NEDD4: variants seen among roughly 807,000 people sequenced by gnomAD.
The protein encoded by NEDD4 is E3 ubiquitin-protein ligase NEDD4.
Under a neutral mutation model 144.9 loss-of-function variants are expected in NEDD4, and 99 were observed. The observed-to-expected ratio is 0.68, with a 90% CI of 0.58 to 0.81. The LOEUF (loss-of-function observed/expected upper bound fraction) is 0.81, where lower values mean the gene tolerates loss of function less well. Ranked by LOEUF, NEDD4 falls within the 30% of genes least tolerant of loss-of-function variation. NEDD4 has a pLI of 0.00. For synonymous variants in NEDD4, 318 were observed against 350.6 expected, an observed-to-expected ratio of 0.91 and a Z score of 1.04; for missense variants, 985 against 1,065.9, an observed-to-expected ratio of 0.92 and a Z score of 1.06.
Position 55,835,420 on chromosome 15 carries a change from G to GTTTTTTT in NEDD4, c.2263-1141_2263-1135dup, listed in dbSNP as rs56792157. ...TATTTCCTTTGCAGTCTCCTGTTCT[G>GTTTTTTT]TTTTTTTTTTTTTTTTTTTCCCATG... On this transcript the variant is annotated intron_variant, in intron 24 of 28. Coordinates refer to ENST00000435532, the MANE Select transcript of NEDD4 (RefSeq NM_006154.4). Among the ~76,000 whole-genome samples the GTTTTTTT allele has an allele frequency of 5.5e-5, 6 of 108,346 alleles. 1 individual carries two copies. The highest frequency in any genetic ancestry group is 9.6e-5 in the Admixed American group (1 of 10,414). 71.1% of individuals were successfully genotyped at this position (108,346 alleles called of 152,430 possible). A position where few individuals can be genotyped will look rare whatever the true frequency, so the allele number is the denominator to read the frequency against.
intron 11 of NEDD4, among the ~76,000 whole-genome samples, chr15:55,856,634 G>A (rs1270183162): frequency 2.0e-5 from 3 of 152,138 alleles, no homozygotes; most frequent in African/African-American, 7.2e-5. Context: ...ATCCTGCAAT[G>A]CACAGCCAGT....
chr15:55,854,145 T>G (rs2034102315), intron 12 of NEDD4, among the ~76,000 whole-genome samples: 1 of 150,930 alleles, frequency 6.6e-6, no homozygotes, highest in Admixed American at 6.6e-5. Flanking sequence ...CAAGACTCCA[T>G]CCCCCTCCCC....
chr15:55,913,295 T>A (rs746765217), intron 5 of NEDD4, among the ~76,000 whole-genome samples: 3 of 152,054 alleles, frequency 2.0e-5, no homozygotes, highest in Non-Finnish European at 4.4e-5. Context: ...TATTTATAAG[T>A]GAGTTACAAT....
chr15:55,880,456 T>A (rs115577059), intron 5 of NEDD4, among the ~76,000 whole-genome samples: 10,081 of 152,178 alleles, frequency 0.066, 433 homozygotes, highest in Non-Finnish European at 0.098. Flanking sequence ...ACCTGAAATA[T>A]AAGAGAGTAC....
chr15:55,912,539 G>C (rs1440945238), intron 5 of NEDD4, among the ~76,000 whole-genome samples: 1 of 152,050 alleles, frequency 6.6e-6, no homozygotes, highest in African/African-American at 2.4e-5. Flanking sequence ...AAATGCTAAT[G>C]CACATTAAAT....
At chr15:55,966,067 G>C (rs1220083858) in intron 2 of NEDD4, among the ~76,000 whole-genome samples, 1 of 152,088 alleles carries the variant, frequency 6.6e-6, no homozygotes, top group African/African-American at 2.4e-5. Context: ...ATAGTATCAG[G>C]AACTCACTCA....
chr15:55,863,059 GT>G lies in NEDD4; in HGVS notation c.527del (p.Asp176AlafsTer35). On this transcript the variant is annotated frameshift_variant, in exon 9 of 29. Coordinates refer to ENST00000435532, the MANE Select transcript of NEDD4 (RefSeq NM_006154.4). LOFTEE classifies it high-confidence loss of function. ...GCAAATGGCAAGCAGCATCTGGTTG[GT>G]CCAAAACAACCCAGCCAGGCTGAAA... ...EELEPGWVVL[D>X]QPDAACHLQQ... 6.3e-7 allele frequency: 1 copy of G among 1,590,976 alleles called. No homozygotes were observed. The highest frequency in any genetic ancestry group is 8.6e-7 in the Non-Finnish European group (1 of 1,164,924).
intron 5 of NEDD4, among the ~76,000 whole-genome samples, chr15:55,889,709 GTTTT>G (rs202144074): frequency 9.9e-5 from 15 of 151,516 alleles, no homozygotes; most frequent in African/African-American, 3.6e-4. Context: ...GTTTTGTTTT[GTTTT>G]TTTTGGAGAC....
intron 5 of NEDD4, among the ~76,000 whole-genome samples, chr15:55,895,344 C>T (rs892417160): frequency 7.9e-5 from 12 of 152,278 alleles, no homozygotes; most frequent in East Asian, 3.9e-4. Context: ...AATCAGCAGA[C>T]GACTGCTACT....
At chr15:55,935,159 T>A (rs1595858427) in intron 4 of NEDD4, among the ~76,000 whole-genome samples, 1 of 152,040 alleles carries the variant, frequency 6.6e-6, no homozygotes, top group Non-Finnish European at 1.5e-5. Flanking sequence ...TGAGCCACCA[T>A]GTCTGGCCTT....
chr15:55,886,513 T>A (rs1203766493), intron 5 of NEDD4, among the ~76,000 whole-genome samples: 2 of 152,182 alleles, frequency 1.3e-5, no homozygotes, highest in Non-Finnish European at 2.9e-5. Flanking sequence ...ACGCCTCTAA[T>A]CCCAGCACTT....
At position 55,925,967 on chromosome 15, in the gene NEDD4, T is replaced by C. The variant is rs560608724; in HGVS notation, c.238-1268A>G. Among the ~76,000 whole-genome samples the C allele has an allele frequency of 2.6e-5, 4 of 152,138 alleles. 1 individual carries two copies. The South Asian group carries it at 8.3e-4, about 32-fold the overall frequency. ...TACATACTGTATCATACAGTATGTA[T>C]ATGTAAAAATACATATACATATGTA... On this transcript the variant is annotated intron_variant, in intron 4 of 28. Coordinates refer to ENST00000435532, the MANE Select transcript of NEDD4 (RefSeq NM_006154.4).
chr15:55,962,007 G>A lies in NEDD4; in HGVS notation c.119+4466C>T, dbSNP rs551820394. On this transcript the variant is annotated intron_variant, in intron 2 of 28. Coordinates refer to ENST00000435532, the MANE Select transcript of NEDD4 (RefSeq NM_006154.4). ...TGTTAATGCCTCCAACTATGACGGT[G>A]GGAGTTTTAAAAAGTTCCCCTTTAA... is the stretch of plus-strand genomic sequence containing the variant. Among the ~76,000 whole-genome samples the A allele has an allele frequency of 7.2e-5, 11 of 152,184 alleles. 1 individual carries two copies. The South Asian group carries it at 2.3e-3, about 32-fold the overall frequency.
chr15:55,935,482 AT>A (rs2142260992), intron 4 of NEDD4, among the ~76,000 whole-genome samples: 2 of 152,246 alleles, frequency 1.3e-5, no homozygotes, highest in South Asian at 4.1e-4. Context: ...AAATATGCAC[AT>A]TACACAATTC....
intron 8 of NEDD4, among the ~76,000 whole-genome samples, chr15:55,867,850 G>A (rs1031849290): frequency 6.6e-6 from 1 of 152,202 alleles, no homozygotes; most frequent in Non-Finnish European, 1.5e-5. Context: ...GAGGCCAGGA[G>A]TTCAAGACCA....
rs1445914280 is a variant in NEDD4 at position 55,838,622 on chromosome 15, C to T, written c.2032-18G>A. The T allele has an allele frequency of 1.9e-6, 3 of 1,553,020 alleles. No individual in the cohort carries two copies. Among genetic ancestry groups the T allele is most frequent in the Non-Finnish European group, 2.7e-6 (3 of 1,127,528 alleles). ...TCACTATCCTAGATGGGAAAAATTA[C>T]ATATTTAAAATTTGTATCTATAACA... On this transcript the variant is annotated intron_variant, in intron 21 of 28. Transcript: ENST00000435532.
At position 55,860,649 on chromosome 15, in the gene NEDD4, AACT is replaced by A. The variant is rs3217300; in HGVS notation, c.792+9_792+11del. The A allele has an allele frequency of 3.6e-3, 5,829 of 1,613,910 alleles. 231 individuals are homozygous for A. The Admixed American group carries it at 0.079, about 22-fold the overall frequency. The stretch of plus-strand genomic sequence containing the variant: ...ATGTGTCTTTCAAGGAGAACTAGGA[AACT>A]ACTTATACCTCGGAAGACTCTCGGT... On this transcript the variant is annotated intron_variant, in intron 10 of 28. Transcript: ENST00000435532.
intron 5 of NEDD4, among the ~76,000 whole-genome samples, chr15:55,886,378 C>A: frequency 6.6e-6 from 1 of 152,196 alleles, no homozygotes. Context: ...ACACTTCATT[C>A]AACTGCTTCA....
chr15:55,942,516 C>A (rs2037025972), intron 4 of NEDD4, among the ~76,000 whole-genome samples: 1 of 152,110 alleles, frequency 6.6e-6, no homozygotes, highest in Non-Finnish European at 1.5e-5. Flanking sequence ...GTACTTCCCC[C>A]TTCATTCTCC....
Sources: gnomAD v4.1 joint callset for allele counts (sites outside exome capture counted in the v4.1 genomes callset) on GRCh38, gnomAD v4.1.1 for gene constraint, MANE v1.5 for transcripts, NCBI Gene and HGNC (gene_info 2026-07-23, HGNC 2026-07-21) for gene names.